Variants in TDRD12 observed in about 807,000 individuals in gnomAD.
TDRD12 encodes putative ATP-dependent RNA helicase TDRD12.
TDRD12 carries 158 observed loss-of-function variants against 133.5 expected under a neutral mutation model. The observed-to-expected ratio is 1.18, with a 90% CI of 1.04 to 1.35. TDRD12 has a LOEUF of 1.35. TDRD12 is among the 40% of genes most tolerant of loss of function. TDRD12 has a pLI of 0.00. For missense variants in TDRD12, 1,443 were observed against 1,321.3 expected, an observed-to-expected ratio of 1.09 and a Z score of -1.43; for synonymous variants, 460 against 477.9, an observed-to-expected ratio of 0.96 and a Z score of 0.49.
intron 8 of TDRD12, among the ~76,000 whole-genome samples, chr19:32,760,914 G>T (rs1170420276): frequency 3.3e-5 from 5 of 152,292 alleles, no homozygotes; most frequent in East Asian, 3.9e-4. Context: ...AGAATAAGTT[G>T]CTAACCTGAT....
rs1178706230 is a variant in TDRD12, at chr19:32,748,480, G to T, written c.445G>T (p.Ala149Ser). 41 of 1,551,492 alleles carry T rather than the reference G, an allele frequency of 2.6e-5. No individual in the cohort carries two copies. In the East Asian group the frequency reaches 9.8e-4, roughly 37 times the overall value. ...TGCATCTGTTCACTGTTCCAGACCT[G>T]CCAAGAAGTGGGACAATGCAGCTAT... The change falls in exon 5 of 28, where the codon GCC becomes TCC. Residue 149 changes from alanine (A) to serine (S), a missense_variant. Coordinates refer to ENST00000444215, the Ensembl canonical transcript of TDRD12.
chr19:32,816,696 T>G (rs1967192301), intron 26 of TDRD12, among the ~76,000 whole-genome samples: 2 of 152,210 alleles, frequency 1.3e-5, no homozygotes. Context: ...TGTTCCAAAG[T>G]GGCTGCGCCA....
At chr19:32,826,584 C>G in exon 9 of TDRD12, 3 of 1,238,914 alleles carry the variant, frequency 2.4e-6, no homozygotes, top group Non-Finnish European at 3.0e-6. Context: ...ATGGTGTCAC[C>G]TACTCAGACA....
In TDRD12 at chr19:32,815,553, G is replaced by A. The variant is rs113250771; in HGVS notation, c.3247G>A (p.Glu1083Lys). The change falls in exon 26 of 28, where the codon GAA becomes AAA. Residue 1083 changes from glutamate to lysine, a missense_variant. Physicochemically the swap from Glu to Lys is moderately conservative, Grantham distance 56. Coordinates refer to ENST00000444215, the Ensembl canonical transcript of TDRD12. Reference sequence around the variant, plus strand: ...GGGCATTGATAATCCAGAACACATAGAACAACTGAAAAAATTACGCGAAGA... The same window carrying A: ...GGGCATTGATAATCCAGAACACATAAAACAACTGAAAAAATTACGCGAAGA... 4.4e-5 allele frequency: 68 copies of A among 1,536,314 alleles called. 1 individual carries two copies. The African/African-American group carries it at 7.0e-4, about 16-fold the overall frequency.
At chr19:32,732,053 G>T (rs1017342596) in intron 2 of TDRD12, among the ~76,000 whole-genome samples, 170 bp downstream of exon 2, 1 of 152,052 alleles carries the variant, frequency 6.6e-6, no homozygotes, top group Non-Finnish European at 1.5e-5. Context: ...ACATAGGCTG[G>T]AGTACAGTGG....
intron 8 of TDRD12, among the ~76,000 whole-genome samples, chr19:32,761,236 C>T (rs1196319676): frequency 1.3e-5 from 2 of 152,220 alleles, no homozygotes; most frequent in Non-Finnish European, 2.9e-5. Flanking sequence ...CTGCCTCAGC[C>T]TCCCAAGTAG....
At chr19:32,745,949 TGA>T (rs142160167) in intron 4 of TDRD12, among the ~76,000 whole-genome samples, 11 of 115,348 alleles carry the variant, frequency 9.5e-5, no homozygotes, top group Admixed American at 3.5e-4. Flanking sequence ...TGTGTGTGTG[TGA>T]GAGAGAGAGA....
intron 1 of TDRD12, among the ~76,000 whole-genome samples, chr19:32,723,622 C>T (rs181714870): frequency 8.4e-4 from 124 of 147,562 alleles, no homozygotes; most frequent in African/African-American, 3.0e-3. Flanking sequence ...GTTCTAGTTC[C>T]TTAGCTTTTG....
intron 4 of TDRD12, among the ~76,000 whole-genome samples, chr19:32,747,143 G>T (rs1259534216): frequency 2.6e-5 from 4 of 151,462 alleles, no homozygotes; most frequent in African/African-American, 7.3e-5. Context: ...TGACTCATGT[G>T]GTTATTCTGT....
At chr19:32,806,365 CTCTG>C (rs1181667060) in intron 21 of TDRD12, among the ~76,000 whole-genome samples, 1 of 125,008 alleles carries the variant, frequency 8.0e-6, no homozygotes, top group African/African-American at 3.1e-5. Context: ...TTAAGACAGT[CTCTG>C]TCTGGCTCTG....
exon 21 of TDRD12, chr19:32,802,956 A>T (rs778970430): frequency 6.5e-7 from 1 of 1,535,894 alleles, no homozygotes; most frequent in Non-Finnish European, 8.7e-7. Context: ...AAGAAAGCCA[A>T]ATCTGTCTTG....
chr19:32,739,410 TTCTC>T (rs143279460), intron 3 of TDRD12, among the ~76,000 whole-genome samples: 36,368 of 138,800 alleles, frequency 0.26, 4,793 homozygotes, highest in Middle Eastern at 0.36. Context: ...TCTCCTGGGG[TTCTC>T]TCTCTATCAC....
At chr19:32,774,916 C>T (rs962321720) in intron 10 of TDRD12, among the ~76,000 whole-genome samples, 17 of 151,632 alleles carry the variant, frequency 1.1e-4, no homozygotes, top group Non-Finnish European at 2.4e-4. Flanking sequence ...ACCCAGGAGG[C>T]GGGGTTTGCA....
chr19:32,821,136 C>A, exon 28 of TDRD12: 1 of 1,535,476 alleles, frequency 6.5e-7, no homozygotes, highest in South Asian at 1.2e-5. Flanking sequence ...AAACCAGAAG[C>A]CTGGTGGGTA....
At position 32,797,901 on chromosome 19, in the gene TDRD12, C is replaced by T; in HGVS notation, c.1630+10C>T. ...AAGCTTCCAAGGGGCTGTAAGTATC[C>T]TTTTCAAGCGGCTATAAAAGTTAAA... On this transcript the variant is annotated intron_variant, in intron 15 of 27. Coordinates refer to ENST00000444215, the Ensembl canonical transcript of TDRD12. 1 of 681,670 alleles carries T rather than the reference C, an allele frequency of 1.5e-6. No individual in the cohort carries two copies. The highest frequency in any genetic ancestry group is 2.6e-6 in the Non-Finnish European group (1 of 378,946). The allele number at this position is 681,670 out of a possible 1,614,324, so 42.2% of individuals were successfully genotyped here. A position where few individuals can be genotyped will look rare whatever the true frequency, so the allele number is the denominator to read the frequency against.
intron 1 of TDRD12, among the ~76,000 whole-genome samples, chr19:32,729,761 G>A (rs1284540210): frequency 1.4e-5 from 2 of 141,746 alleles, no homozygotes; most frequent in African/African-American, 5.2e-5. Flanking sequence ...ACTTTCTGGT[G>A]ACTACTTTTT....
intron 27 of TDRD12, among the ~76,000 whole-genome samples, chr19:32,820,023 C>T (rs1003940880): frequency 2.0e-5 from 3 of 152,014 alleles, no homozygotes; most frequent in Non-Finnish European, 4.4e-5. Flanking sequence ...TGAGGAGAGT[C>T]AAAGCTCAGT....
chr19:32,811,637 G>C (rs1013459811), intron 24 of TDRD12, among the ~76,000 whole-genome samples: 1 of 152,114 alleles, frequency 6.6e-6, no homozygotes, highest in Non-Finnish European at 1.5e-5. Context: ...TTGTGCTTAC[G>C]GTCACAGAAT....
intron 11 of TDRD12, among the ~76,000 whole-genome samples, chr19:32,789,539 C>T (rs143605927): frequency 2.5e-4 from 38 of 152,210 alleles, no homozygotes; most frequent in African/African-American, 8.2e-4. Flanking sequence ...GCCTTGGTGA[C>T]GCTGGTTTCA....
Sources: gnomAD v4.1 joint callset for allele counts (sites outside exome capture counted in the v4.1 genomes callset) on GRCh38, gnomAD v4.1.1 for gene constraint, MANE v1.5 for transcripts, NCBI Gene and HGNC (gene_info 2026-07-23, HGNC 2026-07-21) for gene names.